Variants in HOXA3 observed in about 807,000 individuals in gnomAD.
HOXA3 encodes the protein homeobox protein Hox-A3.
HOXA3 carries 8 observed loss-of-function variants against 30.3 expected under a neutral mutation model. That is an observed-to-expected ratio of 0.26 (90% CI 0.15 to 0.48). The LOEUF (loss-of-function observed/expected upper bound fraction) is 0.48, where lower values mean the gene tolerates loss of function less well. Among genes scored for constraint, HOXA3 ranks in the 20% least tolerant of loss-of-function variants. The pLI is 0.99. For synonymous variants in HOXA3, 323 were observed against 273.1 expected (o/e 1.18, Z -1.80); for missense variants, 653 against 614.4 (o/e 1.06, Z -0.66).
chr7:27,144,902 C>T (rs1472150624), intron 1 of HOXA3, among the ~76,000 whole-genome samples: 2 of 152,200 alleles, frequency 1.3e-5, no homozygotes, highest in African/African-American at 2.4e-5. Flanking sequence ...GGGTCCTGAA[C>T]GCTGCTGTGG....
chr7:27,140,921 A>G (rs1443432399), intron 1 of HOXA3: 3 of 152,246 alleles, frequency 2.0e-5, no homozygotes, highest in African/African-American at 7.2e-5. Flanking sequence ...GCGATGGGAC[A>G]GTGTTGGTAT....
chr7:27,135,533 C>T (rs1201639444), intron 2 of HOXA3, among the ~76,000 whole-genome samples: 3 of 152,094 alleles, frequency 2.0e-5, no homozygotes, highest in Admixed American at 2.0e-4. Context: ...TTGCATTCAG[C>T]GGACTGTAGT....
At position 27,142,954 on chromosome 7, in the gene HOXA3, A is replaced by C. The variant is rs1230701148; in HGVS notation, c.-493-2768T>G. Reference sequence around the variant, plus strand: ...CCGCAGGGCTGGGAGAAATGAGACCAAGAGAGACTGGGAGAGGGCGGCAGA... The same window carrying C: ...CCGCAGGGCTGGGAGAAATGAGACCCAGAGAGACTGGGAGAGGGCGGCAGA... On this transcript the variant is annotated intron_variant, in intron 1 of 5. Transcript: ENST00000612286. The C allele has an allele frequency of 2.5e-6, 3 of 1,214,460 alleles. No homozygotes were observed. In the East Asian group the frequency reaches 7.6e-5, roughly 31 times the overall value. The allele number at this position is 1,214,460 out of a possible 1,614,324, so 75.2% of individuals were successfully genotyped here. A position where few individuals can be genotyped will look rare whatever the true frequency, so the allele number is the denominator to read the frequency against.
chr7:27,111,585 CT>C (rs1784382535), intron 4 of HOXA3, among the ~76,000 whole-genome samples: 1 of 151,896 alleles, frequency 6.6e-6, no homozygotes, highest in African/African-American at 2.4e-5. Flanking sequence ...TTCTTTACTC[CT>C]TTCCTCTCCC....
chr7:27,125,219 A>G (rs1189877873), intron 3 of HOXA3, among the ~76,000 whole-genome samples: 1 of 152,244 alleles, frequency 6.6e-6, no homozygotes, highest in Non-Finnish European at 1.5e-5. Context: ...CCTCGTACTC[A>G]TTAACTTAAG....
intron 1 of HOXA3, chr7:27,147,589 G>C (rs748838301): frequency 6.2e-7 from 1 of 1,614,262 alleles, no homozygotes; most frequent in Non-Finnish European, 8.5e-7. Context: ...GAAACAAGGT[G>C]AGGTGTACGT....
chr7:27,110,777 C>G lies in HOXA3; in HGVS notation c.-120-17G>C. 7.3e-7 allele frequency: 1 copy of G among 1,362,820 alleles called. No homozygotes were observed. The highest frequency in any genetic ancestry group is 2.3e-5 in the East Asian group (1 of 42,642). The allele number at this position is 1,362,820 out of a possible 1,614,324, so 84.4% of individuals were successfully genotyped here. A position where few individuals can be genotyped will look rare whatever the true frequency, so the allele number is the denominator to read the frequency against. On this transcript the variant is annotated splice_polypyrimidine_tract_variant and intron_variant, in intron 4 of 5. Transcript: ENST00000612286. ...CGCGCAGACCTGGTGGGGCGAGAAGCGCAGCGCGGTGAGGGCTCCGCGCAA... is the reference window on the plus strand; with the variant it reads ...CGCGCAGACCTGGTGGGGCGAGAAGGGCAGCGCGGTGAGGGCTCCGCGCAA...
chr7:27,137,854 T>C (rs1468980015), intron 2 of HOXA3, among the ~76,000 whole-genome samples: 4 of 152,248 alleles, frequency 2.6e-5, no homozygotes, highest in East Asian at 1.9e-4. Context: ...ACAGGCTTTC[T>C]GCTCATTCCC....
chr7:27,111,274 C>A (rs1449889967), intron 4 of HOXA3, among the ~76,000 whole-genome samples: 1 of 152,186 alleles, frequency 6.6e-6, no homozygotes, highest in Admixed American at 6.5e-5. Flanking sequence ...GGGGTAACTT[C>A]CCACCCAGCT....
rs181655121 is a variant in HOXA3, at chr7:27,138,333, G to C, written c.-390+1750C>G. Among the ~76,000 whole-genome samples the C allele has an allele frequency of 1.6e-3, 247 of 152,152 alleles. 2 individuals carry two copies. The highest frequency in any genetic ancestry group is 5.6e-3 in the African/African-American group (231 of 41,512). ...TTGCTTTCTGGACCTCTGACTTTAG[G>C]GACATCTGTTGGACTTATGTTGAGT... On this transcript the variant is annotated intron_variant, in intron 2 of 5. Coordinates refer to ENST00000612286, the MANE Select transcript of HOXA3 (RefSeq NM_153631.3).
At chr7:27,121,220 CGT>C (rs142198002) in intron 4 of HOXA3, 6,943 of 137,742 alleles carry the variant, frequency 0.05, 318 homozygotes, top group African/African-American at 0.14. Flanking sequence ...CCACTGTGTG[CGT>C]GTGTGTGTGT....
At chr7:27,143,082 T>A in intron 1 of HOXA3, 2 of 1,554,446 alleles carry the variant, frequency 1.3e-6, no homozygotes, top group Non-Finnish European at 1.7e-6. Context: ...CAGGGGTAGA[T>A]CTGGGGTTGG....
chr7:27,138,597 G>T (rs1012023046), intron 2 of HOXA3, among the ~76,000 whole-genome samples: 6 of 152,146 alleles, frequency 3.9e-5, no homozygotes, highest in African/African-American at 1.4e-4. Flanking sequence ...TACCCATCCA[G>T]AAAAAGATCC....
intron 1 of HOXA3, chr7:27,147,265 C>T (rs1469939934): frequency 1.3e-6 from 2 of 1,515,282 alleles, no homozygotes; most frequent in Non-Finnish European, 1.8e-6. Context: ...TCTTTTCCTG[C>T]CTCCTTTCCC....
At chr7:27,130,359 G>A in intron 2 of HOXA3, 1 of 1,135,296 alleles carries the variant, frequency 8.8e-7, no homozygotes, top group Non-Finnish European at 1.1e-6. Flanking sequence ...CGTGCGCTGG[G>A]CCCTTGGCTT....
chr7:27,143,772 G>C, intron 1 of HOXA3: 5 of 1,325,574 alleles, frequency 3.8e-6, no homozygotes, highest in Non-Finnish European at 4.9e-6. Context: ...ACGTGCTTTT[G>C]TTGTCCAGTC....
chr7:27,111,433 C>T (rs989651891), intron 4 of HOXA3, among the ~76,000 whole-genome samples: 2 of 151,966 alleles, frequency 1.3e-5, no homozygotes, highest in African/African-American at 4.8e-5. Flanking sequence ...TCCAAATGAA[C>T]CCCTTGTGGC....
intron 2 of HOXA3, among the ~76,000 whole-genome samples, chr7:27,136,306 T>C (rs996555357): frequency 1.8e-4 from 27 of 152,352 alleles, no homozygotes; most frequent in African/African-American, 6.5e-4. Flanking sequence ...TGTTTGTGAC[T>C]GTACTTTTTG....
chr7:27,142,118 A>G, intron 1 of HOXA3: 1 of 1,598,742 alleles, frequency 6.3e-7, no homozygotes. Context: ...TTAGCCACCA[A>G]CTCCTGTCTT....
Sources: gnomAD v4.1 joint callset for allele counts (sites outside exome capture counted in the v4.1 genomes callset) on GRCh38, gnomAD v4.1.1 for gene constraint, MANE v1.5 for transcripts, NCBI Gene and HGNC (gene_info 2026-07-23, HGNC 2026-07-21) for gene names.